MEI4: variants seen among roughly 807,000 people sequenced by gnomAD.
MEI4 encodes the protein meiosis-specific protein MEI4.
In MEI4, 27 loss-of-function variants were observed where a neutral mutation model predicts 31.4. The observed-to-expected ratio is 0.86, with a 90% CI of 0.63 to 1.19. MEI4 has a LOEUF of 1.19. Ranked by LOEUF, MEI4 falls within the 50% of genes most tolerant of loss-of-function variation. The pLI, the probability that MEI4 is intolerant of heterozygous loss-of-function variation, is 0.00. For missense variants in MEI4, 329 were observed against 398.9 expected, an observed-to-expected ratio of 0.82 and a Z score of 1.49; for synonymous variants, 122 against 145.4, an observed-to-expected ratio of 0.84 and a Z score of 1.16.
chr6:77,660,822 C>T (rs12209248), intron 1 of MEI4, among the ~76,000 whole-genome samples: 37,703 of 151,930 alleles, frequency 0.25, 5,593 homozygotes, highest in Non-Finnish European at 0.33. Context: ...TGCAGGCGGA[C>T]GGCAGTCAGG....
At chr6:77,697,793 C>G (rs910646705) in intron 2 of MEI4, among the ~76,000 whole-genome samples, 1 of 152,154 alleles carries the variant, frequency 6.6e-6, no homozygotes, top group Non-Finnish European at 1.5e-5. Context: ...CCGCTTGATA[C>G]AGAGCTGAGT....
At chr6:77,744,313 G>T (rs1246007981) in intron 2 of MEI4, among the ~76,000 whole-genome samples, 2 of 151,710 alleles carry the variant, frequency 1.3e-5, no homozygotes. Flanking sequence ...CGAGAACTAC[G>T]TGAAGAATGC....
At chr6:77,718,913 A>C (rs1489132815) in intron 2 of MEI4, among the ~76,000 whole-genome samples, 2 of 136,876 alleles carry the variant, frequency 1.5e-5, no homozygotes, top group East Asian at 4.2e-4. Context: ...CCAAATTCTA[A>C]TGTGGTGTGA....
intron 2 of MEI4, among the ~76,000 whole-genome samples, chr6:77,700,994 A>G (rs987829019): frequency 2.0e-5 from 3 of 152,244 alleles, no homozygotes; most frequent in Non-Finnish European, 4.4e-5. Context: ...AGAAGTGTAC[A>G]TACCCAGTGA....
chr6:77,675,042 C>A (rs1403804570), intron 1 of MEI4, among the ~76,000 whole-genome samples: 2 of 151,088 alleles, frequency 1.3e-5, no homozygotes, highest in Admixed American at 1.3e-4. Context: ...TATTAATATA[C>A]CTCAATTTAT....
chr6:77,903,730 T>A (rs1040508855), intron 4 of MEI4, among the ~76,000 whole-genome samples: 5 of 152,144 alleles, frequency 3.3e-5, no homozygotes, highest in Admixed American at 6.6e-5. Flanking sequence ...TCATTGAAAG[T>A]TTTTAGCATG....
chr6:77,873,618 A>G (rs1339314333), intron 4 of MEI4, among the ~76,000 whole-genome samples: 3 of 152,022 alleles, frequency 2.0e-5, no homozygotes, highest in Admixed American at 1.3e-4. Context: ...ATTAGATCCC[A>G]TTTGTCAATT....
At chr6:77,825,284 T>TA (rs1267812403) in intron 3 of MEI4, among the ~76,000 whole-genome samples, 1 of 152,208 alleles carries the variant, frequency 6.6e-6, no homozygotes, top group African/African-American at 2.4e-5. Context: ...TCCCCAATGA[T>TA]AAGGAAGTGA....
chr6:77,791,281 G>C (rs375199035), intron 3 of MEI4, among the ~76,000 whole-genome samples: 11 of 152,034 alleles, frequency 7.2e-5, no homozygotes, highest in Non-Finnish European at 2.9e-5. Flanking sequence ...GGAACCAAGC[G>C]AAATCTCCAA....
chr6:77,745,786 C>A (rs547290905), intron 2 of MEI4, among the ~76,000 whole-genome samples: 234 of 152,280 alleles, frequency 1.5e-3, no homozygotes, highest in Non-Finnish European at 2.9e-3. Context: ...GACCACAGTG[C>A]AATCAAACTA....
chr6:77,910,700 G>A (rs12189558), intron 4 of MEI4, among the ~76,000 whole-genome samples: 21,635 of 151,958 alleles, frequency 0.14, 1,983 homozygotes, highest in South Asian at 0.2. Context: ...TTGGGTATTG[G>A]CTATTGTGAA....
intron 3 of MEI4, among the ~76,000 whole-genome samples, chr6:77,800,507 T>C (rs1024055188): frequency 2.0e-5 from 3 of 152,194 alleles, no homozygotes; most frequent in Non-Finnish European, 2.9e-5. Flanking sequence ...CTGATTGCCA[T>C]GGCAGAACTT....
chr6:77,692,946 CAA>C (rs1305845315), intron 2 of MEI4, among the ~76,000 whole-genome samples: 1 of 151,910 alleles, frequency 6.6e-6, no homozygotes, highest in Admixed American at 6.6e-5. Flanking sequence ...AGATGAGACT[CAA>C]AGAGAATAGA....
intron 4 of MEI4, among the ~76,000 whole-genome samples, chr6:77,843,742 C>T (rs1770416143): frequency 6.6e-6 from 1 of 151,958 alleles, no homozygotes; most frequent in Non-Finnish European, 1.5e-5. Flanking sequence ...GAAAATGCAA[C>T]TCAAAATATG....
At chr6:77,803,370 G>T (rs1267719263) in intron 3 of MEI4, among the ~76,000 whole-genome samples, 1 of 151,912 alleles carries the variant, frequency 6.6e-6, no homozygotes, top group Non-Finnish European at 1.5e-5. Flanking sequence ...GGTAGTCATT[G>T]GTCTAATTTT....
At chr6:77,872,408 G>A (rs1290981534) in intron 4 of MEI4, among the ~76,000 whole-genome samples, 2 of 151,890 alleles carry the variant, frequency 1.3e-5, no homozygotes, top group Admixed American at 6.6e-5. Context: ...TCATGCCTGT[G>A]TATAGCCACT....
intron 4 of MEI4, among the ~76,000 whole-genome samples, chr6:77,841,742 TGTA>T (rs1459423077): frequency 1.3e-5 from 2 of 152,156 alleles, no homozygotes; most frequent in Non-Finnish European, 2.9e-5. Context: ...TTTAAAATAA[TGTA>T]GTTCTGTACT....
At chr6:77,786,814 A>G (rs1456220409) in intron 3 of MEI4, among the ~76,000 whole-genome samples, 1 of 152,220 alleles carries the variant, frequency 6.6e-6, no homozygotes, top group Non-Finnish European at 1.5e-5. Context: ...CAAAAAATGT[A>G]TAAGAATAAG....
Position 77,925,100 on chromosome 6 carries a change from T to A in MEI4, c.*1754T>A, listed in dbSNP as rs1417991731. On this transcript the variant is annotated 3_prime_UTR_variant, in exon 5 of 5. Coordinates refer to ENST00000684080, the MANE Select transcript of MEI4 (RefSeq NM_001322247.2). Reference sequence around the variant, plus strand: ...CTTCTTTCATTGTGATTAAACAAGATTGGTAAATACACAAGTATCAGCAAT... The same window carrying A: ...CTTCTTTCATTGTGATTAAACAAGAATGGTAAATACACAAGTATCAGCAAT... 1 of 151,860 alleles carries A rather than the reference T, an allele frequency of 6.6e-6. No homozygotes were observed. Among genetic ancestry groups the A allele is most frequent in the East Asian group, 1.9e-4 (1 of 5,166 alleles). 9.4% of individuals were successfully genotyped at this position (151,860 alleles called of 1,614,324 possible).
Sources: allele counts gnomAD v4.1 joint callset (sites outside exome capture counted in the v4.1 genomes callset), GRCh38; gene constraint gnomAD v4.1.1; transcripts MANE v1.5; gene names NCBI Gene and HGNC (gene_info 2026-07-23, HGNC 2026-07-21).